FOXN3: variants seen among roughly 807,000 people sequenced by gnomAD.
The protein encoded by FOXN3 is forkhead box N3, also known as forkhead box protein N3.
A neutral mutation model predicts 38.4 loss-of-function variants in FOXN3; 7 were observed. The ratio of observed to expected loss-of-function variants is 0.18; its 90% confidence interval spans 0.10 to 0.34. FOXN3 has a LOEUF of 0.34. FOXN3 is among the 10% of genes least tolerant of loss of function. The pLI is 1.00. For missense variants in FOXN3, 456 were observed against 613.4 expected (o/e 0.74, Z 2.71); for synonymous variants, 230 against 242.2 (o/e 0.95, Z 0.47).
intron 1 of FOXN3, among the ~76,000 whole-genome samples, chr14:89,482,064 C>T (rs1175954144): frequency 6.6e-6 from 1 of 152,182 alleles, no homozygotes; most frequent in Non-Finnish European, 1.5e-5. Context: ...CAATTTGTTA[C>T]TCCTTTTAAA....
intron 2 of FOXN3, among the ~76,000 whole-genome samples, chr14:89,352,841 G>C (rs1889034442): frequency 6.6e-6 from 1 of 152,092 alleles, no homozygotes; most frequent in South Asian, 2.1e-4. Flanking sequence ...CCTAACCTAA[G>C]TGTTTGTTTA....
intron 4 of FOXN3, among the ~76,000 whole-genome samples, chr14:89,245,938 G>GA (rs1378161437): frequency 3.3e-5 from 5 of 152,110 alleles, no homozygotes; most frequent in African/African-American, 1.2e-4. Context: ...TCAGAGTGCT[G>GA]AGAATCATTG....
chr14:89,547,381 A>G (rs547420034), intron 1 of FOXN3, among the ~76,000 whole-genome samples: 97 of 152,176 alleles, frequency 6.4e-4, no homozygotes, highest in Non-Finnish European at 6.3e-4. Flanking sequence ...CAGTCTCCCA[A>G]GTAGCTGGGG....
intron 3 of FOXN3, among the ~76,000 whole-genome samples, chr14:89,313,912 T>C (rs1057233350): frequency 1.2e-4 from 19 of 152,062 alleles, no homozygotes; most frequent in African/African-American, 4.6e-4. Context: ...TTATTCCATA[T>C]ATATGAGGTA....
intron 3 of FOXN3, among the ~76,000 whole-genome samples, chr14:89,306,523 C>T (rs376554553): frequency 1.5e-3 from 231 of 152,258 alleles, no homozygotes; most frequent in South Asian, 4.2e-3. Context: ...CCCACCACCA[C>T]GCCCGGCTAA....
intron 3 of FOXN3, among the ~76,000 whole-genome samples, chr14:89,321,256 C>T (rs548258591): frequency 5.3e-4 from 80 of 150,596 alleles, no homozygotes; most frequent in African/African-American, 1.9e-3. Context: ...GCGTTACTGC[C>T]CTCCAGCCTG....
intron 1 of FOXN3, among the ~76,000 whole-genome samples, chr14:89,602,274 G>A (rs1896166960): frequency 6.7e-6 from 1 of 150,044 alleles, no homozygotes; most frequent in Non-Finnish European, 1.5e-5. Flanking sequence ...GGGTGACAGA[G>A]CAAGACTTTG....
At chr14:89,314,760 C>T (rs998989525) in intron 3 of FOXN3, among the ~76,000 whole-genome samples, 8 of 152,130 alleles carry the variant, frequency 5.3e-5, no homozygotes, top group African/African-American at 1.7e-4. Flanking sequence ...TACTAGGCCA[C>T]ACGTGTATGC....
At chr14:89,336,221 T>A (rs371477238) in intron 3 of FOXN3, among the ~76,000 whole-genome samples, 1 of 143,886 alleles carries the variant, frequency 6.9e-6, no homozygotes, top group Admixed American at 6.9e-5. Context: ...GGTGCCTCCA[T>A]CCATCCATCC....
intron 1 of FOXN3, among the ~76,000 whole-genome samples, chr14:89,604,729 A>G (rs1896234280): frequency 6.6e-6 from 1 of 152,238 alleles, no homozygotes; most frequent in Non-Finnish European, 1.5e-5. Context: ...ACATCTGAAC[A>G]CTTTATGATA....
intron 1 of FOXN3, among the ~76,000 whole-genome samples, chr14:89,558,478 C>T (rs1895172625): frequency 6.6e-6 from 1 of 152,174 alleles, no homozygotes. Flanking sequence ...TGGCTAAGCA[C>T]AGGACCCTCG....
chr14:89,462,644 T>G lies in FOXN3; in HGVS notation c.-14-50154A>C, dbSNP rs149256888. On this transcript the variant is annotated intron_variant, in intron 1 of 6. Coordinates refer to the FOXN3 transcript ENST00000345097. ...GGCATCACATGGCAATGGAGGGGGC[T>G]GGGTATGCTAACATGCTTTCTCAGG... Among the ~76,000 whole-genome samples the G allele has an allele frequency of 9.8e-3, 1,487 of 151,654 alleles. 31 individuals carry two copies. The highest frequency in any genetic ancestry group is 0.035 in the African/African-American group (1,430 of 41,414).
intron 3 of FOXN3, among the ~76,000 whole-genome samples, chr14:89,304,288 T>C (rs1428198332): frequency 1.3e-5 from 2 of 152,194 alleles, no homozygotes; most frequent in Non-Finnish European, 1.5e-5. Flanking sequence ...TTCTTCCTGC[T>C]GAGCTGGAGC....
At chr14:89,211,870 A>G (rs1884102943) in intron 4 of FOXN3, among the ~76,000 whole-genome samples, 2 of 152,214 alleles carry the variant, frequency 1.3e-5, no homozygotes, top group African/African-American at 4.8e-5. Context: ...TCTCCCTAAA[A>G]TTCATACATT....
At chr14:89,187,279 A>G (rs1006089216) in intron 4 of FOXN3, among the ~76,000 whole-genome samples, 3 of 152,216 alleles carry the variant, frequency 2.0e-5, no homozygotes, top group Non-Finnish European at 4.4e-5. Context: ...AGCTCTATCA[A>G]CAGAGCCCAG....
At chr14:89,356,549 CA>C (rs1458019584) in intron 2 of FOXN3, 1 of 152,076 alleles carries the variant, frequency 6.6e-6, no homozygotes, top group African/African-American at 2.4e-5. Context: ...GATATTAAAA[CA>C]AGACAAAAAC....
At chr14:89,371,366 G>C (rs28362108) in intron 2 of FOXN3, among the ~76,000 whole-genome samples, 10,915 of 151,990 alleles carry the variant, frequency 0.072, 813 homozygotes, top group African/African-American at 0.19. Context: ...AGAGTCTGGG[G>C]TTCTGTTTAG....
At chr14:89,558,059 CAA>C (rs1201880102) in intron 1 of FOXN3, among the ~76,000 whole-genome samples, 1 of 151,974 alleles carries the variant, frequency 6.6e-6, no homozygotes, top group African/African-American at 2.4e-5. Context: ...ATACATAAGG[CAA>C]AGAAGCAAAT....
chr14:89,227,324 G>A (rs1307891670), intron 4 of FOXN3, among the ~76,000 whole-genome samples: 2 of 152,120 alleles, frequency 1.3e-5, no homozygotes, highest in East Asian at 1.9e-4. Context: ...GACATAAACC[G>A]TAACACATGT....
Sources: gnomAD v4.1 joint callset for allele counts (sites outside exome capture counted in the v4.1 genomes callset) on GRCh38, gnomAD v4.1.1 for gene constraint, MANE v1.5 for transcripts, NCBI Gene and HGNC (gene_info 2026-07-23, HGNC 2026-07-21) for gene names.